HMG20A: variants seen among roughly 807,000 people sequenced by gnomAD.
HMG20A encodes high mobility group protein 20A.
In HMG20A, 17 loss-of-function variants were observed where a neutral mutation model predicts 43.9. The ratio of observed to expected loss-of-function variants is 0.39; its 90% CI spans 0.27 to 0.58. The LOEUF (loss-of-function observed/expected upper bound fraction) is 0.58, where lower values mean the gene tolerates loss of function less well. Among genes scored for constraint, HMG20A ranks in the 20% least tolerant of loss-of-function variants. The pLI is 0.59. For missense variants in HMG20A, 341 were observed against 438.2 expected (o/e 0.78, Z 1.98); for synonymous variants, 132 against 147.5 (o/e 0.89, Z 0.76).
chr15:77,421,453 C>G (rs2073337949), intron 1 of HMG20A, among the ~76,000 whole-genome samples: 1 of 152,164 alleles, frequency 6.6e-6, no homozygotes, highest in Non-Finnish European at 1.5e-5. Flanking sequence ...ATTCGAAAGC[C>G]CTTGTTAAAA....
At chr15:77,518,574 T>G in the HMG20A span, among the ~76,000 whole-genome samples, 1 of 152,214 alleles carries the variant, frequency 6.6e-6, no homozygotes, top group African/African-American at 2.4e-5. Context: ...CCACAGTTGT[T>G]TATGCTTGTG....
At chr15:77,451,783 G>A (rs938534793) in intron 1 of HMG20A, among the ~76,000 whole-genome samples, 17 of 152,204 alleles carry the variant, frequency 1.1e-4, no homozygotes, top group Non-Finnish European at 2.5e-4. Context: ...TTCAAGGAAA[G>A]GGGGTGTCTG....
chr15:77,446,913 T>C (rs1341787941), intron 1 of HMG20A, among the ~76,000 whole-genome samples: 1 of 152,204 alleles, frequency 6.6e-6, no homozygotes, highest in Non-Finnish European at 1.5e-5. Context: ...TTTGTTTTTT[T>C]CCTCCAAATA....
chr15:77,489,158 A>G (rs982664575), downstream of HMG20A, among the ~76,000 whole-genome samples: 4 of 152,260 alleles, frequency 2.6e-5, no homozygotes, highest in African/African-American at 9.6e-5. Flanking sequence ...ACACTTAAAT[A>G]TAAGTTGTTA....
chr15:77,451,621 G>T (rs1408715780), intron 1 of HMG20A, among the ~76,000 whole-genome samples: 1 of 152,138 alleles, frequency 6.6e-6, no homozygotes, highest in African/African-American at 2.4e-5. Context: ...TGTAATCATG[G>T]GTTCTGCAGG....
chr15:77,493,585 A>G, the HMG20A span, among the ~76,000 whole-genome samples: 1 of 152,230 alleles, frequency 6.6e-6, no homozygotes, highest in Non-Finnish European at 1.5e-5. Flanking sequence ...TCTGTGAAGC[A>G]TTGAAATAGG....
chr15:77,453,110 C>T (rs550062165), intron 1 of HMG20A, among the ~76,000 whole-genome samples: 1 of 152,238 alleles, frequency 6.6e-6, no homozygotes, highest in African/African-American at 2.4e-5. Flanking sequence ...TACCTGTAAT[C>T]CCAGCTACTA....
chr15:77,472,209 G>A (rs958831108), intron 6 of HMG20A, among the ~76,000 whole-genome samples: 12 of 152,156 alleles, frequency 7.9e-5, no homozygotes, highest in Admixed American at 2.0e-4. Context: ...TGCTTAAAGC[G>A]AACTGTTCAA....
intron 4 of HMG20A, among the ~76,000 whole-genome samples, chr15:77,467,841 T>C (rs1051141244): frequency 2.7e-4 from 41 of 152,206 alleles, no homozygotes; most frequent in African/African-American, 9.9e-4. Flanking sequence ...AATGAATCCG[T>C]TCATTAGAGA....
At chr15:77,482,105 G>C (rs1197976251) in intron 9 of HMG20A, 1 of 152,144 alleles carries the variant, frequency 6.6e-6, no homozygotes, top group Non-Finnish European at 1.5e-5. Context: ...TCCAAGACTA[G>C]AACCACAGAT....
chr15:77,476,474 G>A (rs1323035322), intron 6 of HMG20A, among the ~76,000 whole-genome samples: 1 of 120,902 alleles, frequency 8.3e-6, no homozygotes, highest in African/African-American at 3.2e-5. Flanking sequence ...AACAGAGAGG[G>A]ACTCCCTCTC....
At chr15:77,454,288 T>C (rs1303267775) in intron 1 of HMG20A, among the ~76,000 whole-genome samples, 2 of 152,128 alleles carry the variant, frequency 1.3e-5, no homozygotes, top group African/African-American at 2.4e-5. Context: ...GAAAATGTTC[T>C]AAAATTGGTT....
At chr15:77,428,742 A>T (rs1434520482) in intron 1 of HMG20A, among the ~76,000 whole-genome samples, 2 of 152,196 alleles carry the variant, frequency 1.3e-5, no homozygotes, top group Non-Finnish European at 2.9e-5. Flanking sequence ...AGGCAGAAGG[A>T]TCGCCTTAGC....
chr15:77,497,408 G>A, the HMG20A span, among the ~76,000 whole-genome samples: 2 of 152,248 alleles, frequency 1.3e-5, no homozygotes, highest in African/African-American at 2.4e-5. Flanking sequence ...GCCTGAGAAT[G>A]CAGCTTCTGG....
intron 4 of HMG20A, among the ~76,000 whole-genome samples, chr15:77,468,597 T>TCACACACACACACA (rs141417839): frequency 3.2e-4 from 48 of 147,704 alleles, no homozygotes; most frequent in Admixed American, 1.0e-3. Context: ...TCTCTCTCTG[T>TCACACACACACACA]CACACACACA....
At chr15:77,518,399 G>A in the HMG20A span, among the ~76,000 whole-genome samples, 83 of 152,224 alleles carry the variant, frequency 5.5e-4, 2 homozygotes, top group East Asian at 0.016. Context: ...TGGTGATCTA[G>A]CCCACCTGCC....
intron 1 of HMG20A, among the ~76,000 whole-genome samples, chr15:77,425,654 G>T (rs1312146843): frequency 6.6e-6 from 1 of 152,138 alleles, no homozygotes; most frequent in Non-Finnish European, 1.5e-5. Context: ...GTTTGAGTAG[G>T]GATGGCATGG....
chr15:77,439,367 G>A (rs985264446), intron 1 of HMG20A, among the ~76,000 whole-genome samples: 1 of 151,854 alleles, frequency 6.6e-6, no homozygotes, highest in East Asian at 1.9e-4. Flanking sequence ...GAATATTTTC[G>A]TCACTCTAGG....
At chr15:77,489,456 CG>C (rs1393071938), downstream of HMG20A, among the ~76,000 whole-genome samples, 4 of 152,250 alleles carry the variant, frequency 2.6e-5, no homozygotes, top group East Asian at 3.9e-4. Context: ...AGTTCAAAGC[CG>C]TAGCATGGTA....
Sources: allele counts gnomAD v4.1 joint callset (sites outside exome capture counted in the v4.1 genomes callset), GRCh38; gene constraint gnomAD v4.1.1; transcripts MANE v1.5; gene names NCBI Gene and HGNC (gene_info 2026-07-23, HGNC 2026-07-21).